Variants in PALS1 observed in about 807,000 individuals in gnomAD.
The protein encoded by PALS1 is protein associated with LIN7 1, MAGUK p55 family member, also known as protein PALS1.
A neutral mutation model predicts 78.9 loss-of-function variants in PALS1; 31 were observed. The observed-to-expected ratio is 0.39, with a 90% CI of 0.30 to 0.53. PALS1 has a LOEUF of 0.53. PALS1 is among the 20% of genes least tolerant of loss of function. The pLI is 0.67. For missense variants in PALS1, 704 were observed against 826.5 expected (o/e 0.85, Z 1.82); for synonymous variants, 276 against 270.9 (o/e 1.02, Z -0.18).
chr14:67,275,331 G>C (rs2084485234), intron 2 of PALS1, among the ~76,000 whole-genome samples: 4 of 151,996 alleles, frequency 2.6e-5, no homozygotes, highest in African/African-American at 9.7e-5. Flanking sequence ...TAGCATGAAG[G>C]GCTATTGAAT....
chr14:67,273,582 T>TA (rs2084449751), intron 2 of PALS1, among the ~76,000 whole-genome samples: 1 of 152,208 alleles, frequency 6.6e-6, no homozygotes, highest in South Asian at 2.1e-4. Flanking sequence ...GCAGTCAACA[T>TA]ATGTGTGCAT....
intron 10 of PALS1, 50 bp from the exon 11 acceptor site, chr14:67,317,358 G>T: frequency 6.9e-7 from 1 of 1,455,030 alleles, no homozygotes; most frequent in Non-Finnish European, 9.4e-7. Context: ...GAGTTATGTG[G>T]TTTTGTTCAC....
intron 9 of PALS1, among the ~76,000 whole-genome samples, chr14:67,314,873 T>A (rs1210692964): frequency 1.3e-5 from 2 of 152,074 alleles, no homozygotes; most frequent in African/African-American, 4.8e-5. Flanking sequence ...GGAGGATTGC[T>A]TGAGCCCAGG....
chr14:67,244,966 A>T (rs941952001), intron 1 of PALS1, among the ~76,000 whole-genome samples: 5 of 152,148 alleles, frequency 3.3e-5, no homozygotes, highest in African/African-American at 4.8e-5. Flanking sequence ...AGAGTCAGGA[A>T]AAAAAGATGT....
chr14:67,268,484 A>C (rs1393064884), intron 1 of PALS1, among the ~76,000 whole-genome samples: 1 of 152,180 alleles, frequency 6.6e-6, no homozygotes, highest in Non-Finnish European at 1.5e-5. Context: ...GAACACCGAC[A>C]TGTTACTTCT....
At position 67,332,724 on chromosome 14, in the gene PALS1, C is replaced by G. The variant is rs538951055; in HGVS notation, c.1852-56C>G. On this transcript the variant is annotated intron_variant, in intron 14 of 14. Coordinates refer to ENST00000261681, the MANE Select transcript of PALS1 (RefSeq NM_022474.4). ...GTTCTTTGGCCATCTCTGACTCATC[C>G]TATATTATTTGGTTAGGAAAGGAAT... is the stretch of plus-strand genomic sequence containing the variant. 35 of 1,528,874 alleles carry G rather than the reference C, an allele frequency of 2.3e-5. No homozygotes were observed. In the South Asian group the frequency reaches 3.9e-4, roughly 17 times the overall value. 94.7% of individuals were successfully genotyped at this position (1,528,874 alleles called of 1,614,324 possible). A position where few individuals can be genotyped will look rare whatever the true frequency, so the allele number is the denominator to read the frequency against.
chr14:67,283,024 TC>T (rs1384243901), intron 3 of PALS1, among the ~76,000 whole-genome samples: 1 of 152,120 alleles, frequency 6.6e-6, no homozygotes, highest in Non-Finnish European at 1.5e-5. Context: ...AAAATTGTTG[TC>T]TTTGAAGCAG....
chr14:67,245,543 G>T (rs1225547971), intron 1 of PALS1, among the ~76,000 whole-genome samples: 1 of 151,920 alleles, frequency 6.6e-6, no homozygotes, highest in Non-Finnish European at 1.5e-5. Flanking sequence ...TAGGGATGGG[G>T]TCTCACTATG....
chr14:67,324,302 A>G (rs896750311), intron 14 of PALS1, among the ~76,000 whole-genome samples: 7 of 152,232 alleles, frequency 4.6e-5, no homozygotes, highest in African/African-American at 1.7e-4. Flanking sequence ...TCCATGTCAT[A>G]TTAAACATTA....
intron 9 of PALS1, among the ~76,000 whole-genome samples, chr14:67,315,535 C>T (rs1163015865): frequency 6.6e-6 from 1 of 152,150 alleles, no homozygotes; most frequent in East Asian, 1.9e-4. Flanking sequence ...CTTGGCCTCT[C>T]AAAGTGTTGG....
chr14:67,297,102 G>A (rs2084866729), intron 4 of PALS1, among the ~76,000 whole-genome samples: 1 of 152,044 alleles, frequency 6.6e-6, no homozygotes, highest in African/African-American at 2.4e-5. Context: ...GCACTTTGGG[G>A]GAAAAAAAGA....
In PALS1 at chr14:67,302,001, T is replaced by C. The variant is rs151229431; in HGVS notation, c.684T>C (p.Ala228=). The C allele has an allele frequency of 6.0e-5, 97 of 1,607,276 alleles. No individual in the cohort carries two copies. The highest frequency in any genetic ancestry group is 7.3e-5 in the Non-Finnish European group (86 of 1,177,284). ...TTTTACTGGCCCACGATAAGGTTGC[T>C]GAGCAGGAAATGCAGCTAGAGCCCA... is the stretch of plus-strand genomic sequence containing the variant. The part of the protein sequence containing the change: ...QALLLAHDKV[A]EQEMQLEPIT... Residue 228 remains alanine, a synonymous_variant, in exon 6 of 15, where the codon GCT becomes GCC. Coordinates refer to ENST00000261681, the MANE Select transcript of PALS1 (RefSeq NM_022474.4).
At position 67,334,543 on chromosome 14, in the gene PALS1, C is replaced by T. The variant is rs1297385485; in HGVS notation, c.*1587C>T. The T allele has an allele frequency of 6.6e-6, 1 of 152,474 alleles. No homozygotes were observed. Among genetic ancestry groups the T allele is most frequent in the East Asian group, 1.9e-4 (1 of 5,198 alleles). 9.4% of individuals were successfully genotyped at this position (152,474 alleles called of 1,614,324 possible). On this transcript the variant is annotated 3_prime_UTR_variant, in exon 15 of 15. Transcript: ENST00000261681. ...TATTTGATTGATTTTTTTTCTTCTACATAATTTTATTTGAACAAATGTAGA... is the reference window on the plus strand; with the variant it reads ...TATTTGATTGATTTTTTTTCTTCTATATAATTTTATTTGAACAAATGTAGA...
intron 14 of PALS1, among the ~76,000 whole-genome samples, chr14:67,324,402 A>G (rs2085317452): frequency 6.6e-6 from 1 of 152,194 alleles, no homozygotes; most frequent in African/African-American, 2.4e-5. Context: ...GACTTACTGT[A>G]TCAGAGTAAC....
intron 4 of PALS1, among the ~76,000 whole-genome samples, chr14:67,295,259 T>C (rs1178909428): frequency 1.3e-5 from 2 of 150,350 alleles, no homozygotes; most frequent in Non-Finnish European, 3.0e-5. Flanking sequence ...CCAAGGCGGG[T>C]GGATCATTTG....
intron 9 of PALS1, among the ~76,000 whole-genome samples, chr14:67,313,852 A>G (rs1223049076): frequency 6.6e-6 from 1 of 151,934 alleles, no homozygotes; most frequent in African/African-American, 2.4e-5. Flanking sequence ...TCTACTGTAT[A>G]TGCTCAGTTT....
chr14:67,297,072 A>G (rs776089362), intron 4 of PALS1, among the ~76,000 whole-genome samples: 9 of 152,250 alleles, frequency 5.9e-5, no homozygotes, highest in Non-Finnish European at 8.8e-5. Flanking sequence ...AGTCAAAAAT[A>G]ATACCACATG....
rs146711615 is a variant in PALS1 at position 67,320,347 on chromosome 14, G to A, written c.1487G>A (p.Arg496His). ...CAGAACTGTGGCCAGAATGAATTGC[G>A]TCAGAGGCTCATGAACAAAGAAAAG... ...GPQNCGQNEL[R>H]QRLMNKEKDR... is the part of the protein sequence containing the mutation. The change falls in exon 12 of 15, where the codon CGT (arginine) becomes CAT (histidine). Residue 496 changes from arginine to histidine, a missense_variant. Physicochemically the swap from Arg to His is conservative, Grantham distance 29. Coordinates refer to ENST00000261681, the MANE Select transcript of PALS1 (RefSeq NM_022474.4). 4.3e-5 allele frequency: 69 copies of A among 1,612,732 alleles called. No individual in the cohort carries two copies. The highest frequency in any genetic ancestry group is 8.8e-5 in the South Asian group (8 of 90,818).
At chr14:67,280,179 A>G (rs1424582262) in intron 3 of PALS1, among the ~76,000 whole-genome samples, 1 of 152,246 alleles carries the variant, frequency 6.6e-6, no homozygotes, top group Non-Finnish European at 1.5e-5. Context: ...CATAGCTGTT[A>G]GAATGTTACT....
Sources: allele counts gnomAD v4.1 joint callset (sites outside exome capture counted in the v4.1 genomes callset), GRCh38; gene constraint gnomAD v4.1.1; transcripts MANE v1.5; gene names NCBI Gene and HGNC (gene_info 2026-07-23, HGNC 2026-07-21).